Variants in ARHGEF9 observed in about 807,000 individuals in gnomAD.
ARHGEF9 encodes the protein Cdc42 guanine nucleotide exchange factor 9, also known as rho guanine nucleotide exchange factor 9.
In ARHGEF9, 2 loss-of-function variants were observed where a neutral mutation model predicts 41.3. That is an observed-to-expected ratio of 0.05 (90% CI 0.02 to 0.15). The LOEUF is 0.15. ARHGEF9 is among the 10% of genes least tolerant of loss of function. The pLI is 1.00. For synonymous variants in ARHGEF9, 160 were observed against 154.4 expected (o/e 1.04, Z -0.27); for missense variants, 225 against 424.7 (o/e 0.53, Z 4.13).
intron 2 of ARHGEF9, among the ~76,000 whole-genome samples, chrX:63,712,271 G>A (rs1392905852): frequency 8.9e-6 from 1 of 111,760 alleles, no homozygotes; most frequent in South Asian, 3.7e-4. Context: ...CCACTCGTAG[G>A]TGCGTACTCA....
intron 1 of ARHGEF9, among the ~76,000 whole-genome samples, chrX:63,763,859 G>C (rs1256848766): frequency 9.0e-6 from 1 of 111,462 alleles, no homozygotes; most frequent in African/African-American, 3.3e-5. Flanking sequence ...TATTATTTGA[G>C]GGTGTGATTA....
chrX:63,647,442 G>C (rs1180643062), intron 8 of ARHGEF9, among the ~76,000 whole-genome samples: 1 of 111,559 alleles, frequency 9.0e-6, no homozygotes, highest in Non-Finnish European at 1.9e-5. Flanking sequence ...TAGCATGAAG[G>C]GTTGTTGAAT....
At chrX:63,687,841 A>C (rs782763723) in intron 4 of ARHGEF9, among the ~76,000 whole-genome samples, 2 of 110,196 alleles carry the variant, frequency 1.8e-5, no homozygotes, top group African/African-American at 3.3e-5. Flanking sequence ...GAGAAAAATG[A>C]AGAACGCCAA....
chrX:63,775,071 A>C (rs1368844612), intron 1 of ARHGEF9, among the ~76,000 whole-genome samples: 1 of 112,737 alleles, frequency 8.9e-6, no homozygotes, highest in East Asian at 2.8e-4. Context: ...AGCATATGAA[A>C]AAATATTCAA....
chrX:63,717,765 T>A (rs2053401578), intron 2 of ARHGEF9, among the ~76,000 whole-genome samples: 1 of 112,180 alleles, frequency 8.9e-6, no homozygotes, highest in African/African-American at 3.2e-5. Flanking sequence ...CTTCCTGTAT[T>A]TTGTTTAGTT....
intron 1 of ARHGEF9, among the ~76,000 whole-genome samples, chrX:63,741,091 C>T: frequency 8.9e-6 from 1 of 112,854 alleles, no homozygotes; most frequent in Non-Finnish European, 1.9e-5. Flanking sequence ...GAAAGATAAA[C>T]TTTAATATCC....
intron 4 of ARHGEF9, among the ~76,000 whole-genome samples, chrX:63,695,439 T>G (rs2051673007): frequency 8.9e-6 from 1 of 111,790 alleles, no homozygotes; most frequent in Admixed American, 9.5e-5. Context: ...GACACTGCCA[T>G]GCAATCAACA....
intron 1 of ARHGEF9, among the ~76,000 whole-genome samples, chrX:63,762,604 CT>C (rs782128327): frequency 6.3e-4 from 70 of 111,640 alleles, no homozygotes; most frequent in African/African-American, 2.2e-3. Context: ...CTAGCTAAGA[CT>C]GCTGAAGCTC....
At chrX:63,762,871 A>G (rs1263474149) in intron 1 of ARHGEF9, among the ~76,000 whole-genome samples, 19 of 112,084 alleles carry the variant, frequency 1.7e-4, no homozygotes, top group Non-Finnish European at 3.0e-4. Flanking sequence ...AAGCCCACTC[A>G]ATGTGAAAAC....
At chrX:63,645,991 A>T (rs1229173871) in intron 8 of ARHGEF9, among the ~76,000 whole-genome samples, 2 of 111,682 alleles carry the variant, frequency 1.8e-5, no homozygotes, top group African/African-American at 6.5e-5. Flanking sequence ...GATGATGAGC[A>T]TTTTTTCATG....
chrX:63,774,140 G>T (rs1456821725), intron 1 of ARHGEF9, among the ~76,000 whole-genome samples: 1 of 109,658 alleles, frequency 9.1e-6, no homozygotes, highest in Non-Finnish European at 1.9e-5. Flanking sequence ...CTTCTCTAAA[G>T]AACCTTTACT....
intron 1 of ARHGEF9, among the ~76,000 whole-genome samples, chrX:63,742,703 G>C (rs2055034726): frequency 8.9e-6 from 1 of 111,853 alleles, no homozygotes; most frequent in Non-Finnish European, 1.9e-5. Flanking sequence ...AACATGGCCA[G>C]ATAAACCCAC....
At chrX:63,702,928 C>G (rs1182658727) in intron 3 of ARHGEF9, among the ~76,000 whole-genome samples, 1 of 112,225 alleles carries the variant, frequency 8.9e-6, no homozygotes, top group Admixed American at 9.4e-5. Context: ...GGTGAAAAGA[C>G]TCATCTGAGA....
rs782772600 is a variant in ARHGEF9 at position 63,779,362 on chromosome X, C to T, written c.30+5754G>A. ...CATGGGTGGGGAGGCCTCACGATCA[C>T]GGCAGAAGGTGAAGGAGGAGCACAG... On this transcript the variant is annotated intron_variant, in intron 1 of 9. Coordinates refer to ENST00000671741, the MANE Select transcript of ARHGEF9 (RefSeq NM_001353921.2). 8.9e-5 allele frequency among the ~76,000 whole-genome samples: 10 copies of T among 112,306 alleles called. No homozygotes were observed. In the South Asian group the frequency reaches 2.2e-3, roughly 25 times the overall value.
intron 8 of ARHGEF9, among the ~76,000 whole-genome samples, chrX:63,652,550 G>A (rs2048614992): frequency 1.8e-5 from 2 of 111,037 alleles, no homozygotes; most frequent in Middle Eastern, 4.2e-3. Flanking sequence ...CGGGAGTCCT[G>A]GAACCAATAT....
intron 7 of ARHGEF9, chrX:63,656,922 A>T (rs2048910870): frequency 8.9e-6 from 1 of 112,236 alleles, no homozygotes; most frequent in Non-Finnish European, 1.9e-5. Context: ...CAAATATTTC[A>T]TAAGTTAAAA....
chrX:63,650,481 T>C (rs2048472617), intron 8 of ARHGEF9, among the ~76,000 whole-genome samples: 1 of 111,056 alleles, frequency 9.0e-6, no homozygotes, highest in Non-Finnish European at 1.9e-5. Context: ...AGTAGAATGG[T>C]GATTATCAGT....
chrX:63,645,267 G>A (rs1258571367), intron 8 of ARHGEF9, among the ~76,000 whole-genome samples: 1 of 109,703 alleles, frequency 9.1e-6, no homozygotes, highest in Non-Finnish European at 1.9e-5. Flanking sequence ...TAGGGCACAT[G>A]TGCACAATGT....
chrX:63,638,686 T>A (rs782791900), intron 9 of ARHGEF9: 104 of 302,600 alleles, frequency 3.4e-4, no homozygotes, highest in African/African-American at 2.6e-3. Context: ...AAGAGCCTGG[T>A]TAAGAACTAT....
Sources: allele counts gnomAD v4.1 joint callset (sites outside exome capture counted in the v4.1 genomes callset), GRCh38; gene constraint gnomAD v4.1.1; transcripts MANE v1.5; gene names NCBI Gene and HGNC (gene_info 2026-07-23, HGNC 2026-07-21).